ACOX3: variants seen among roughly 807,000 people sequenced by gnomAD.
The protein encoded by ACOX3 is peroxisomal acyl-coenzyme A oxidase 3.
ACOX3 carries 73 observed loss-of-function variants against 81.5 expected under a neutral mutation model. That is an observed-to-expected ratio of 0.90 (90% CI 0.74 to 1.09). The LOEUF (loss-of-function observed/expected upper bound fraction) is 1.09, where lower values mean the gene tolerates loss of function less well. Ranked by LOEUF, ACOX3 falls within the 50% of genes least tolerant of loss-of-function variation. The pLI is 0.00. For missense variants in ACOX3, 947 were observed against 928.0 expected, an observed-to-expected ratio of 1.02 and a Z score of -0.27; for synonymous variants, 387 against 375.1, an observed-to-expected ratio of 1.03 and a Z score of -0.37.
intron 7 of ACOX3, among the ~76,000 whole-genome samples, chr4:8,402,619 G>A (rs1880025): frequency 0.35 from 53,049 of 152,096 alleles, 10,085 homozygotes; most frequent in South Asian, 0.46. Context: ...CGAATTCTCA[G>A]GGGATCCCTT....
rs575270917 is a variant in ACOX3 at position 8,416,139 on chromosome 4, C to A, written c.145-140G>T. The A allele has an allele frequency of 7.0e-6, 7 of 1,006,558 alleles. No individual in the cohort carries two copies. The African/African-American group carries it at 1.1e-4, about 16-fold the overall frequency. 62.4% of individuals were successfully genotyped at this position (1,006,558 alleles called of 1,614,324 possible). A position where few individuals can be genotyped will look rare whatever the true frequency, so the allele number is the denominator to read the frequency against. Reference sequence around the variant, plus strand: ...GACACCCAGACAGAGATATGACTATCATTCCCAATGGACTAGAGGACTGGA... The same window carrying A: ...GACACCCAGACAGAGATATGACTATAATTCCCAATGGACTAGAGGACTGGA... On this transcript the variant is annotated intron_variant, in intron 2 of 17. Coordinates refer to ENST00000356406, the MANE Select transcript of ACOX3 (RefSeq NM_003501.3). This position sits in a 1 kb window ranked among gnomAD's most constrained non-coding sequence, Gnocchi z 4.2.
In ACOX3 at chr4:8,432,751, C is replaced by G. The variant is rs764610922; in HGVS notation, c.-15+7897G>C. Among the ~76,000 whole-genome samples the G allele has an allele frequency of 2.6e-5, 4 of 152,198 alleles. No homozygotes were observed. The highest frequency in any genetic ancestry group is 5.9e-5 in the Non-Finnish European group (4 of 68,032). ...CCGGTTGGAGCCTCCACTGCTGCTTCTCGAGTTCCACCCAGCTTCCAGCAC... is the reference window on the plus strand; with the variant it reads ...CCGGTTGGAGCCTCCACTGCTGCTTGTCGAGTTCCACCCAGCTTCCAGCAC... On this transcript the variant is annotated intron_variant, in intron 1 of 17. Coordinates refer to ENST00000356406, the MANE Select transcript of ACOX3 (RefSeq NM_003501.3). This position sits in a 1 kb window ranked among gnomAD's most constrained non-coding sequence, Gnocchi z 6.2.
At chr4:8,438,744 T>A (rs540351306) in intron 1 of ACOX3, 1 of 152,356 alleles carries the variant, frequency 6.6e-6, no homozygotes, top group South Asian at 2.1e-4. Flanking sequence ...TATACTGTAA[T>A]CTTTTCCACT....
At position 8,405,343 on chromosome 4, in the gene ACOX3, A is replaced by C. The variant is rs1720817688; in HGVS notation, c.776+612T>G. On this transcript the variant is annotated intron_variant, in intron 7 of 17. Transcript: ENST00000356406. The surrounding 1 kb of genome is among the most constrained non-coding windows in gnomAD (Gnocchi z 7.1). ...CGGCCACCCAGGCCTCCATGTGGCC[A>C]TCAAGCATTCATTAGTCTTTCTAGG... 6.6e-6 allele frequency among the ~76,000 whole-genome samples: 1 copy of C among 152,212 alleles called. No individual in the cohort carries two copies. Among genetic ancestry groups the C allele is most frequent in the Admixed American group, 6.5e-5 (1 of 15,284 alleles).
Position 8,400,441 on chromosome 4 carries a change from T to C in ACOX3, c.777-789A>G, listed in dbSNP as rs1425721885. On this transcript the variant is annotated intron_variant, in intron 7 of 17. Coordinates refer to ENST00000356406, the MANE Select transcript of ACOX3 (RefSeq NM_003501.3). The surrounding 1 kb of genome is among the most constrained non-coding windows in gnomAD (Gnocchi z 4.4). Reference sequence around the variant, plus strand: ...GTGTAATAATATTGGCAAAATGAGGTTTAAAACTCTTCAGTCAAACAAAAT... The same window carrying C: ...GTGTAATAATATTGGCAAAATGAGGCTTAAAACTCTTCAGTCAAACAAAAT... 6.6e-6 allele frequency among the ~76,000 whole-genome samples: 1 copy of C among 152,000 alleles called. No individual in the cohort carries two copies. The highest frequency in any genetic ancestry group is 2.4e-5 in the African/African-American group (1 of 41,360).
chr4:8,356,325 T>A, the ACOX3 span: 2 of 358,456 alleles, frequency 5.6e-6, no homozygotes, highest in Non-Finnish European at 1.1e-5. Context: ...CCCACACTGC[T>A]GGTATAAGAA....
rs942911292 is a variant in ACOX3, at chr4:8,400,767, C to T, written c.777-1115G>A. ...CTTGCAATGCCTTAGGGCAGCAGTCCGCAACCTTTTTGGCACCAGGGACCG... is the reference window on the plus strand; with the variant it reads ...CTTGCAATGCCTTAGGGCAGCAGTCTGCAACCTTTTTGGCACCAGGGACCG... On this transcript the variant is annotated intron_variant, in intron 7 of 17. Transcript: ENST00000356406. The surrounding 1 kb of genome is among the most constrained non-coding windows in gnomAD (Gnocchi z 4.4). Among the ~76,000 whole-genome samples the T allele has an allele frequency of 6.6e-5, 10 of 152,128 alleles. 1 individual carries two copies. The highest frequency in any genetic ancestry group is 6.2e-4 in the South Asian group (3 of 4,830).
intron 6 of ACOX3, among the ~76,000 whole-genome samples, chr4:8,409,017 G>A (rs1435890172): frequency 6.6e-6 from 1 of 150,998 alleles, no homozygotes; most frequent in Non-Finnish European, 1.5e-5. Context: ...CTGGTGGGGA[G>A]AAACCCACAC....
At chr4:8,371,657 C>A (rs902016806) in intron 16 of ACOX3, among the ~76,000 whole-genome samples, 2 of 152,260 alleles carry the variant, frequency 1.3e-5, no homozygotes, top group Admixed American at 1.3e-4. Context: ...GTAAGAAAGG[C>A]CACAATGGAG....
At chr4:8,377,346 G>A (rs1219475876) in intron 14 of ACOX3, among the ~76,000 whole-genome samples, 3 of 152,252 alleles carry the variant, frequency 2.0e-5, no homozygotes, top group African/African-American at 4.8e-5. Flanking sequence ...TTGATACAGC[G>A]ATGGCACAGG....
Position 8,389,557 on chromosome 4 carries a change from C to G in ACOX3, c.1423+55G>C. 6.2e-7 allele frequency: 1 copy of G among 1,609,840 alleles called. No homozygotes were observed. Among genetic ancestry groups the G allele is most frequent in the Non-Finnish European group, 8.5e-7 (1 of 1,178,552 alleles). ...CTGAATCAGTGAGGCCAGGAGAACC[C>G]ACCCCTGCCCCAGTTGGGTTCCAGC... On this transcript the variant is annotated intron_variant, in intron 12 of 17. Transcript: ENST00000356406. This position sits in a 1 kb window ranked among gnomAD's most constrained non-coding sequence, Gnocchi z 5.3.
chr4:8,437,612 G>A lies in ACOX3; in HGVS notation c.-15+3036C>T, dbSNP rs1174609209. On this transcript the variant is annotated intron_variant, in intron 1 of 17. Transcript: ENST00000356406. The surrounding 1 kb of genome is among the most constrained non-coding windows in gnomAD (Gnocchi z 5.2). ...TTATAAAAAGAGAGATTAGCAATGC[G>A]AGAGGACGTGGACACGGATGTAGAC... Among the ~76,000 whole-genome samples the A allele has an allele frequency of 2.6e-5, 4 of 152,256 alleles. No individual in the cohort carries two copies. The highest frequency in any genetic ancestry group is 1.9e-4 in the East Asian group (1 of 5,198).
rs1013957067 is a variant in ACOX3 at position 8,366,341 on chromosome 4, G to C, written c.*620C>G. 6.6e-6 allele frequency: 1 copy of C among 152,432 alleles called. No homozygotes were observed. Among genetic ancestry groups the C allele is most frequent in the Non-Finnish European group, 1.5e-5 (1 of 68,240 alleles). 9.4% of individuals were successfully genotyped at this position (152,432 alleles called of 1,614,324 possible). On this transcript the variant is annotated 3_prime_UTR_variant, in exon 18 of 18. Transcript: ENST00000356406. ...AGGGGGAGGGGGGCGGTTGGAGACT[G>C]AATTGCCCATTCAAATCATTAGACT... is the stretch of plus-strand genomic sequence containing the variant.
At position 8,385,049 on chromosome 4, in the gene ACOX3, G is replaced by A. The variant is rs1447698737; in HGVS notation, c.1538-3442C>T. On this transcript the variant is annotated intron_variant, in intron 13 of 17. Transcript: ENST00000356406. This position sits in a 1 kb window ranked among gnomAD's most constrained non-coding sequence, Gnocchi z 5.5. ...AGCAGCCCCCCACCGAGGGCACCAT[G>A]GCCTGGCCCCTGCCAGGTGGCATGG... Among the ~76,000 whole-genome samples, 1 of 152,158 alleles carries A rather than the reference G, an allele frequency of 6.6e-6. No homozygotes were observed. The highest frequency in any genetic ancestry group is 2.4e-5 in the African/African-American group (1 of 41,438).
In ACOX3 at chr4:8,394,540, T is replaced by C; in HGVS notation, c.1179+80A>G. ...CGCAAATCAAAGGACTGATTTTGCTTTGAAATGAAGGTTGAATCTATGCTG... is the reference window on the plus strand; with the variant it reads ...CGCAAATCAAAGGACTGATTTTGCTCTGAAATGAAGGTTGAATCTATGCTG... On this transcript the variant is annotated intron_variant, in intron 10 of 17. Coordinates refer to ENST00000356406, the MANE Select transcript of ACOX3 (RefSeq NM_003501.3). This position sits in a 1 kb window ranked among gnomAD's most constrained non-coding sequence, Gnocchi z 5.9. 1 of 1,553,792 alleles carries C rather than the reference T, an allele frequency of 6.4e-7. No individual in the cohort carries two copies. Among genetic ancestry groups the C allele is most frequent in the East Asian group, 2.3e-5 (1 of 43,560 alleles).
the ACOX3 span, among the ~76,000 whole-genome samples, chr4:8,359,640 G>A: frequency 9.9e-5 from 15 of 152,232 alleles, no homozygotes; most frequent in East Asian, 2.7e-3. The surrounding 1 kb of genome is among the most constrained non-coding windows in gnomAD (Gnocchi z 6.0). Flanking sequence ...CTCCTTAAAC[G>A]GGGAAACTTG....
intron 1 of ACOX3, among the ~76,000 whole-genome samples, chr4:8,427,846 G>C (rs901276916): frequency 6.6e-6 from 1 of 152,178 alleles, no homozygotes; most frequent in Admixed American, 6.5e-5. Context: ...GCGACACCTG[G>C]CTAGTGCCCA....
intron 9 of ACOX3, among the ~76,000 whole-genome samples, chr4:8,395,827 G>A (rs923031774): frequency 6.6e-6 from 1 of 151,952 alleles, no homozygotes; most frequent in Non-Finnish European, 1.5e-5. Context: ...GTCAAAGGAT[G>A]TGGACAGAAA....
At chr4:8,375,544 G>A (rs1029098509) in intron 14 of ACOX3, among the ~76,000 whole-genome samples, 1 of 152,146 alleles carries the variant, frequency 6.6e-6, no homozygotes, top group Non-Finnish European at 1.5e-5. Context: ...TCTTCCACAC[G>A]GGAAGACACA....
Sources: allele counts gnomAD v4.1 joint callset (sites outside exome capture counted in the v4.1 genomes callset), GRCh38; gene constraint gnomAD v4.1.1; non-coding constraint Gnocchi (gnomAD v3.1); transcripts MANE v1.5; gene names NCBI Gene and HGNC (gene_info 2026-07-23, HGNC 2026-07-21).